Variants in IGF2BP3 observed in about 807,000 individuals in gnomAD.
The protein encoded by IGF2BP3 is insulin like growth factor 2 mRNA binding protein 3.
Under a neutral mutation model 73.8 loss-of-function variants are expected in IGF2BP3, and 9 were observed. That is an observed-to-expected ratio of 0.12 (90% CI 0.07 to 0.21). IGF2BP3 has a LOEUF of 0.21. IGF2BP3 is among the 10% of genes least tolerant of loss of function. IGF2BP3 has a pLI of 1.00. For synonymous variants in IGF2BP3, 258 were observed against 256.7 expected, an observed-to-expected ratio of 1.01 and a Z score of -0.05; for missense variants, 542 against 714.0, an observed-to-expected ratio of 0.76 and a Z score of 2.75.
At chr7:23,404,765 G>C (rs1260770891) in intron 3 of IGF2BP3, among the ~76,000 whole-genome samples, 2 of 151,784 alleles carry the variant, frequency 1.3e-5, no homozygotes, top group East Asian at 3.9e-4. Context: ...AGTGGGGGGT[G>C]GGGGTGGGGA....
intron 3 of IGF2BP3, among the ~76,000 whole-genome samples, chr7:23,366,172 C>CT (rs1211372155): frequency 6.6e-6 from 1 of 151,364 alleles, no homozygotes; most frequent in African/African-American, 2.4e-5. Flanking sequence ...GAGTCTCACT[C>CT]TATCACCCAG....
rs775955863 is a variant in IGF2BP3, at chr7:23,470,121, G to A, written c.-11C>T. On this transcript the variant is annotated 5_prime_UTR_variant, in exon 1 of 15. Coordinates refer to ENST00000258729, the MANE Select transcript of IGF2BP3 (RefSeq NM_006547.3). Reference sequence around the variant, plus strand: ...ATACAGTTTGTTCATTGTGAAGAGTGGTTGTTTAAAAAAAAATAACGAGAA... The same window carrying A: ...ATACAGTTTGTTCATTGTGAAGAGTAGTTGTTTAAAAAAAAATAACGAGAA... The A allele has an allele frequency of 1.3e-6, 2 of 1,579,844 alleles. No individual in the cohort carries two copies. Among genetic ancestry groups the A allele is most frequent in the Non-Finnish European group, 1.7e-6 (2 of 1,165,082 alleles).
chr7:23,364,878 C>T (rs1043887836), intron 3 of IGF2BP3, among the ~76,000 whole-genome samples: 1 of 150,624 alleles, frequency 6.6e-6, no homozygotes, highest in Non-Finnish European at 1.5e-5. Context: ...TAAAATATAG[C>T]TTTTAGGACC....
chr7:23,316,743 A>T (rs1784002501), intron 12 of IGF2BP3, among the ~76,000 whole-genome samples: 1 of 151,840 alleles, frequency 6.6e-6, no homozygotes, highest in Non-Finnish European at 1.5e-5. Context: ...CTTCTTACAC[A>T]GCCACTAAAT....
intron 7 of IGF2BP3, 99 bp downstream of exon 7, chr7:23,347,501 C>A: frequency 7.8e-7 from 1 of 1,283,408 alleles, no homozygotes; most frequent in South Asian, 1.4e-5. Flanking sequence ...ATATCATTTC[C>A]CTCTGTTTGT....
intron 11 of IGF2BP3, among the ~76,000 whole-genome samples, chr7:23,318,407 TAG>T (rs1282481796): frequency 6.6e-6 from 1 of 152,040 alleles, no homozygotes; most frequent in Non-Finnish European, 1.5e-5. Flanking sequence ...TTTTTTTTTG[TAG>T]AGATGGGGTC....
intron 3 of IGF2BP3, among the ~76,000 whole-genome samples, chr7:23,387,121 G>A (rs1004437838): frequency 5.3e-5 from 8 of 151,908 alleles, no homozygotes; most frequent in African/African-American, 1.9e-4. Flanking sequence ...AGGTAGGTTG[G>A]TTGGTTAACA....
intron 2 of IGF2BP3, among the ~76,000 whole-genome samples, chr7:23,443,716 C>T (rs1584050748): frequency 6.6e-6 from 1 of 151,816 alleles, no homozygotes; most frequent in South Asian, 2.1e-4. Flanking sequence ...ATAAAATATA[C>T]AAGATTTTCT....
intron 2 of IGF2BP3, among the ~76,000 whole-genome samples, chr7:23,419,283 A>T (rs140990651): frequency 1.4e-4 from 21 of 152,316 alleles, no homozygotes; most frequent in African/African-American, 4.6e-4. Context: ...CTATCCCCTA[A>T]ATGAAATTTA....
chr7:23,464,000 G>A (rs1788507651), intron 2 of IGF2BP3, among the ~76,000 whole-genome samples: 1 of 152,156 alleles, frequency 6.6e-6, no homozygotes, highest in African/African-American at 2.4e-5. Context: ...AAACTTTCCC[G>A]AATCGCAAGA....
chr7:23,443,675 A>AAAT (rs903748196), intron 2 of IGF2BP3, among the ~76,000 whole-genome samples: 32 of 151,954 alleles, frequency 2.1e-4, no homozygotes, highest in African/African-American at 7.2e-4. Context: ...TCCATCTCAA[A>AAAT]AATAATAATA....
intron 3 of IGF2BP3, among the ~76,000 whole-genome samples, chr7:23,401,857 C>T (rs1381528994): frequency 6.6e-6 from 1 of 152,026 alleles, no homozygotes. Context: ...GCCTGTAATC[C>T]CAGGAATTTG....
chr7:23,407,397 T>C (rs1427092101), intron 3 of IGF2BP3, among the ~76,000 whole-genome samples: 1 of 150,956 alleles, frequency 6.6e-6, no homozygotes, highest in Non-Finnish European at 1.5e-5. Context: ...TCACCTCAGG[T>C]TGGGAGTTCG....
Position 23,399,207 on chromosome 7 carries a change from A to T in IGF2BP3, c.285+19569T>A, listed in dbSNP as rs1431602242. ...CTTGTTTTTGTCAGGTTTGTCAAAG[A>T]TTAGATGGTTGTAGATATGTGGCAT... On this transcript the variant is annotated intron_variant, in intron 3 of 14. Transcript: ENST00000258729. Among the ~76,000 whole-genome samples, 10 of 152,120 alleles carry T rather than the reference A, an allele frequency of 6.6e-5. No individual in the cohort carries two copies. The East Asian group carries it at 1.7e-3, about 26-fold the overall frequency.
chr7:23,333,992 C>T (rs567920017), intron 10 of IGF2BP3, among the ~76,000 whole-genome samples: 2 of 152,194 alleles, frequency 1.3e-5, no homozygotes, highest in Admixed American at 6.5e-5. Context: ...TCAACTTTTG[C>T]CAATCATTAA....
intron 2 of IGF2BP3, among the ~76,000 whole-genome samples, chr7:23,461,090 A>C (rs138306162): frequency 1.2e-3 from 189 of 152,232 alleles, no homozygotes; most frequent in South Asian, 7.3e-3. Context: ...CCGAGATTTA[A>C]CACCACCCTC....
intron 10 of IGF2BP3, among the ~76,000 whole-genome samples, chr7:23,333,443 AC>A (rs542168073): frequency 1.3e-5 from 2 of 152,240 alleles, no homozygotes; most frequent in Non-Finnish European, 2.9e-5. Context: ...GTTGTGAGAA[AC>A]AAAAACAAAG....
chr7:23,393,488 T>C (rs1475897786), intron 3 of IGF2BP3, among the ~76,000 whole-genome samples: 1 of 152,128 alleles, frequency 6.6e-6, no homozygotes, highest in African/African-American at 2.4e-5. Flanking sequence ...GCAAGTACTA[T>C]GCTCAATTCT....
chr7:23,347,467 T>C lies in IGF2BP3; in HGVS notation c.818+133A>G. On this transcript the variant is annotated intron_variant, in intron 7 of 14. Coordinates refer to ENST00000258729, the MANE Select transcript of IGF2BP3 (RefSeq NM_006547.3). ...ATACACTTCACAACCAGATCAACAG[T>C]GCCAACCACTGTAGCTCATCAGGAT... 3 of 868,356 alleles carry C rather than the reference T, an allele frequency of 3.5e-6. No homozygotes were observed. The South Asian group carries it at 5.0e-5, about 15-fold the overall frequency. 53.8% of individuals were successfully genotyped at this position (868,356 alleles called of 1,614,324 possible).
Sources: allele counts gnomAD v4.1 joint callset (sites outside exome capture counted in the v4.1 genomes callset), GRCh38; gene constraint gnomAD v4.1.1; transcripts MANE v1.5; gene names NCBI Gene and HGNC (gene_info 2026-07-23, HGNC 2026-07-21).